KIAA0040: variants seen among roughly 807,000 people sequenced by gnomAD.
KIAA0040 encodes the protein KIAA0040, also known as uncharacterized protein KIAA0040.
A neutral mutation model predicts 7.2 loss-of-function variants in KIAA0040; 10 were observed. That is an observed-to-expected ratio of 1.38 (90% confidence interval 0.85 to 2.34). The LOEUF (loss-of-function observed/expected upper bound fraction) is 2.34. Ranked by LOEUF, KIAA0040 falls within the 30% of genes most tolerant of loss-of-function variation. The probability of loss-of-function intolerance (pLI) is 0.00; values close to 1 mark genes in which losing one functional copy is unlikely to be tolerated. For synonymous variants in KIAA0040, 49 were observed against 40.1 expected, an observed-to-expected ratio of 1.22 and a Z score of -0.84; for missense variants, 89 against 108.2, an observed-to-expected ratio of 0.82 and a Z score of 0.79.
At position 175,160,633 on chromosome 1, in the gene KIAA0040, T is replaced by A; in HGVS notation, c.*81A>T. ...CTGTGGACATGGACATAGTGCATTA[T>A]TTCAGGGGTTCCTGAAATGTCTGTG... On this transcript the variant is annotated 3_prime_UTR_variant, in exon 4 of 4. Transcript: ENST00000423313. 3 of 1,308,424 alleles carry A rather than the reference T, an allele frequency of 2.3e-6. No individual in the cohort carries two copies. Among genetic ancestry groups the A allele is most frequent in the Non-Finnish European group, 3.1e-6 (3 of 971,360 alleles). The allele number at this position is 1,308,424 out of a possible 1,614,324, so 81.1% of individuals were successfully genotyped here.
At chr1:175,190,224 G>A (rs1047326915) in intron 1 of KIAA0040, among the ~76,000 whole-genome samples, 2 of 152,122 alleles carry the variant, frequency 1.3e-5, no homozygotes, top group African/African-American at 4.8e-5. Flanking sequence ...TTTATTTTAG[G>A]AATTATCCTC....
intron 1 of KIAA0040, among the ~76,000 whole-genome samples, chr1:175,188,503 T>G (rs1344993430): frequency 1.3e-5 from 2 of 152,204 alleles, no homozygotes; most frequent in Non-Finnish European, 1.5e-5. Flanking sequence ...GAAAGCCCAT[T>G]ATTCACCTGG....
At chr1:175,163,614 C>A (rs1344341076) in intron 3 of KIAA0040, among the ~76,000 whole-genome samples, 1 of 152,252 alleles carries the variant, frequency 6.6e-6, no homozygotes, top group Non-Finnish European at 1.5e-5. Flanking sequence ...GATTTTCCTT[C>A]TCCCTCTGCA....
At chr1:175,165,586 C>G (rs188369219) in intron 3 of KIAA0040, among the ~76,000 whole-genome samples, 15 of 152,320 alleles carry the variant, frequency 9.8e-5, no homozygotes, top group Non-Finnish European at 1.6e-4. Context: ...GGCTGTTGCT[C>G]TAGACTCTGG....
chr1:175,165,612 T>G (rs1676727593), intron 3 of KIAA0040, among the ~76,000 whole-genome samples: 1 of 152,242 alleles, frequency 6.6e-6, no homozygotes, highest in Non-Finnish European at 1.5e-5. Flanking sequence ...AGAAATCAGA[T>G]GGAGAGCGGT....
At position 175,161,062 on chromosome 1, in the gene KIAA0040, G is replaced by T. The variant is rs1267245599; in HGVS notation, c.-49C>A. The T allele has an allele frequency of 1.3e-6, 2 of 1,495,536 alleles. No individual in the cohort carries two copies. Among genetic ancestry groups the T allele is most frequent in the Admixed American group, 4.6e-5 (2 of 43,608 alleles). The allele number at this position is 1,495,536 out of a possible 1,614,324, so 92.6% of individuals were successfully genotyped here. A position where few individuals can be genotyped will look rare whatever the true frequency, so the allele number is the denominator to read the frequency against. On this transcript the variant is annotated 5_prime_UTR_variant, in exon 4 of 4. Transcript: ENST00000423313. ...GAGAACCCTCTCGGCTTACAAGCAG[G>T]TCCTGGGCTCAAAAGGATGCAACCT...
At position 175,157,211 on chromosome 1, in the gene KIAA0040, C is replaced by A. The variant is rs1170220876; in HGVS notation, c.*3503G>T. On this transcript the variant is annotated 3_prime_UTR_variant, in exon 4 of 4. Coordinates refer to ENST00000423313, the MANE Select transcript of KIAA0040 (RefSeq NM_014656.3). ...TTCTTCCTTAGGTTTTTGCTATTTC[C>A]CCCCTTTTCCTTTAAGAAGCCATTG... The A allele has an allele frequency of 2.6e-5, 4 of 152,160 alleles. No homozygotes were observed. Among genetic ancestry groups the A allele is most frequent in the Non-Finnish European group, 5.9e-5 (4 of 68,034 alleles). 9.4% of individuals were successfully genotyped at this position (152,160 alleles called of 1,614,324 possible). A position where few individuals can be genotyped will look rare whatever the true frequency, so the allele number is the denominator to read the frequency against.
chr1:175,158,778 A>G lies in KIAA0040; in HGVS notation c.*1936T>C, dbSNP rs1296321497. The G allele has an allele frequency of 3.3e-5, 5 of 152,158 alleles. No individual in the cohort carries two copies. The highest frequency in any genetic ancestry group is 7.4e-5 in the Non-Finnish European group (5 of 68,016). 9.4% of individuals were successfully genotyped at this position (152,158 alleles called of 1,614,324 possible). A position where few individuals can be genotyped will look rare whatever the true frequency, so the allele number is the denominator to read the frequency against. On this transcript the variant is annotated 3_prime_UTR_variant, in exon 4 of 4. Transcript: ENST00000423313. ...GAGTGCTTAGGCAGTTTATGGCCAT[A>G]TAGGGTGAGAGGGCAAATGTGACTG...
intron 1 of KIAA0040, among the ~76,000 whole-genome samples, chr1:175,184,211 G>T (rs1229949686): frequency 6.6e-6 from 1 of 152,210 alleles, no homozygotes; most frequent in Non-Finnish European, 1.5e-5. Flanking sequence ...CAAAGATACT[G>T]TATAGCCATA....
chr1:175,173,723 C>T lies in KIAA0040; in HGVS notation c.-310+3888G>A, dbSNP rs543227267. ...TGTGGGTGCACTCTTGATTACGATG[C>T]CTTCTGTGACCTCAAGGAGCTCATG... On this transcript the variant is annotated intron_variant, in intron 2 of 3. Coordinates refer to ENST00000423313, the MANE Select transcript of KIAA0040 (RefSeq NM_014656.3). Among the ~76,000 whole-genome samples the T allele has an allele frequency of 7.9e-5, 12 of 152,298 alleles. No individual in the cohort carries two copies. In the South Asian group the frequency reaches 2.5e-3, roughly 32 times the overall value.
intron 3 of KIAA0040, among the ~76,000 whole-genome samples, chr1:175,162,003 C>T (rs1336409675): frequency 6.6e-6 from 1 of 152,140 alleles, no homozygotes; most frequent in Non-Finnish European, 1.5e-5. Context: ...GAGTGAGGTT[C>T]CTGGGTGCCT....
intron 3 of KIAA0040, among the ~76,000 whole-genome samples, chr1:175,165,605 A>T (rs1293831269): frequency 6.6e-6 from 1 of 152,248 alleles, no homozygotes; most frequent in Non-Finnish European, 1.5e-5. Flanking sequence ...GGCATCCAGA[A>T]ATCAGATGGA....
At chr1:175,169,185 C>T (rs1676887220) in intron 2 of KIAA0040, among the ~76,000 whole-genome samples, 1 of 152,226 alleles carries the variant, frequency 6.6e-6, no homozygotes, top group African/African-American at 2.4e-5. Context: ...TTATTAATTA[C>T]CATTGCATAT....
At chr1:175,169,625 G>A (rs1038488444) in intron 2 of KIAA0040, among the ~76,000 whole-genome samples, 5 of 152,182 alleles carry the variant, frequency 3.3e-5, no homozygotes, top group Admixed American at 6.5e-5. Context: ...CTTTGATTAT[G>A]TAGGTCTCCT....
intron 1 of KIAA0040, among the ~76,000 whole-genome samples, chr1:175,179,642 G>A (rs961160736): frequency 6.6e-6 from 1 of 152,112 alleles, no homozygotes; most frequent in Admixed American, 6.6e-5. Flanking sequence ...CACCCAGATG[G>A]GCTTGGGTTT....
At chr1:175,179,883 A>G (rs1677368765) in intron 1 of KIAA0040, among the ~76,000 whole-genome samples, 1 of 152,206 alleles carries the variant, frequency 6.6e-6, no homozygotes, top group African/African-American at 2.4e-5. Context: ...CTAGTTTTCC[A>G]CTTCCCCAGT....
chr1:175,169,374 T>C (rs1247752000), intron 2 of KIAA0040, among the ~76,000 whole-genome samples: 4 of 152,150 alleles, frequency 2.6e-5, no homozygotes, highest in African/African-American at 9.7e-5. Context: ...ATTGGGCAGG[T>C]TAACCTCTCT....
intron 2 of KIAA0040, among the ~76,000 whole-genome samples, chr1:175,176,669 C>CTTTTTTTTTTTTTTTTTTTTTTTTTTTTG (rs1677204741): frequency 3.6e-5 from 1 of 27,440 alleles, no homozygotes; most frequent in Non-Finnish European, 8.2e-5. Flanking sequence ...AAGTAGCATG[C>CTTTTTTTTTTTTTTTTTTTTTTTTTTTTG]TTTTTTTTTT....
At chr1:175,173,444 G>A (rs962324751) in intron 2 of KIAA0040, among the ~76,000 whole-genome samples, 3 of 152,166 alleles carry the variant, frequency 2.0e-5, no homozygotes, top group Non-Finnish European at 2.9e-5. Context: ...CAAGAGATAG[G>A]CTTTTTTTCT....
Sources: gnomAD v4.1 joint callset for allele counts (sites outside exome capture counted in the v4.1 genomes callset) on GRCh38, gnomAD v4.1.1 for gene constraint, MANE v1.5 for transcripts, NCBI Gene and HGNC (gene_info 2026-07-23, HGNC 2026-07-21) for gene names.